Variants in WDR19 observed in about 807,000 individuals in gnomAD.
WDR19 encodes WD repeat domain 19.
In WDR19, 121 loss-of-function variants were observed where a neutral mutation model predicts 180.0. That is an observed-to-expected ratio of 0.67 (90% CI 0.58 to 0.78). The LOEUF is 0.78. Ranked by LOEUF, WDR19 falls within the 30% of genes least tolerant of loss-of-function variation. WDR19 has a pLI of 0.00. For synonymous variants in WDR19, 497 were observed against 540.7 expected, an observed-to-expected ratio of 0.92 and a Z score of 1.12; for missense variants, 1,450 against 1,640.7, an observed-to-expected ratio of 0.88 and a Z score of 2.01.
chr4:39,216,722 G>C (rs530049072), intron 12 of WDR19, among the ~76,000 whole-genome samples: 8 of 152,222 alleles, frequency 5.3e-5, no homozygotes, highest in Non-Finnish European at 8.8e-5. Flanking sequence ...GGAAAACCTT[G>C]TTTTGTTTTT....
At chr4:39,233,139 G>A (rs1002508978) in intron 19 of WDR19, among the ~76,000 whole-genome samples, 2 of 152,126 alleles carry the variant, frequency 1.3e-5, no homozygotes, top group Non-Finnish European at 2.9e-5. Flanking sequence ...GAAAACCGAG[G>A]CACATTTATC....
At chr4:39,248,231 A>C (rs1252831131) in intron 24 of WDR19, among the ~76,000 whole-genome samples, 1 of 152,204 alleles carries the variant, frequency 6.6e-6, no homozygotes, top group Non-Finnish European at 1.5e-5. Flanking sequence ...TTCAACCCAG[A>C]ATTTCATATC....
intron 36 of WDR19, among the ~76,000 whole-genome samples, chr4:39,279,811 C>T (rs961763136): frequency 2.7e-5 from 4 of 150,820 alleles, no homozygotes; most frequent in South Asian, 4.2e-4. Context: ...TAGTGATTCT[C>T]GTGCCTCAGG....
chr4:39,223,361 C>T (rs1577919922), intron 14 of WDR19, among the ~76,000 whole-genome samples: 1 of 152,280 alleles, frequency 6.6e-6, no homozygotes, highest in Admixed American at 6.5e-5. Context: ...GATGGAGTCT[C>T]GCTCTGTCGC....
intron 9 of WDR19, among the ~76,000 whole-genome samples, chr4:39,210,822 G>A (rs1728421213): frequency 1.3e-5 from 2 of 152,160 alleles, no homozygotes; most frequent in Non-Finnish European, 2.9e-5. Flanking sequence ...AGGAATAGCA[G>A]GTAATTACCT....
At chr4:39,279,833 G>C (rs756016114) in intron 36 of WDR19, among the ~76,000 whole-genome samples, 1 of 151,578 alleles carries the variant, frequency 6.6e-6, no homozygotes, top group Admixed American at 6.6e-5. Context: ...TCCCTGAGTA[G>C]CTAGGACTAC....
At chr4:39,196,478 C>G (rs1422098393) in intron 5 of WDR19, among the ~76,000 whole-genome samples, 4 of 152,166 alleles carry the variant, frequency 2.6e-5, no homozygotes, top group African/African-American at 9.7e-5. Flanking sequence ...TCTTTTCTTT[C>G]TCATACTCTC....
chr4:39,276,212 C>A lies in WDR19; in HGVS notation c.3717-808C>A, dbSNP rs369253886. ...ACTGGTAGCTGGGCTTGGGAGCTAC[C>A]CTCATGGCAGAGAGCTCTAAGCTGG... is the stretch of plus-strand genomic sequence containing the variant. On this transcript the variant is annotated intron_variant, in intron 33 of 36. Coordinates refer to ENST00000399820, the MANE Select transcript of WDR19 (RefSeq NM_025132.4). Among the ~76,000 whole-genome samples, 165 of 152,186 alleles carry A rather than the reference C, an allele frequency of 1.1e-3. 2 individuals are homozygous for A. The highest frequency in any genetic ancestry group is 3.7e-3 in the African/African-American group (154 of 41,510).
intron 6 of WDR19, among the ~76,000 whole-genome samples, chr4:39,203,068 A>G (rs1474483164): frequency 6.6e-6 from 1 of 151,652 alleles, no homozygotes; most frequent in Non-Finnish European, 1.5e-5. Context: ...GAGAATAGGA[A>G]GGGAGGTCTT....
intron 28 of WDR19, among the ~76,000 whole-genome samples, chr4:39,261,991 T>G (rs1483253161): frequency 6.6e-6 from 1 of 152,138 alleles, no homozygotes. Context: ...GCAAAACCTA[T>G]AGTGGCTCCC....
chr4:39,196,118 C>T (rs1726723225), intron 5 of WDR19, among the ~76,000 whole-genome samples: 1 of 152,134 alleles, frequency 6.6e-6, no homozygotes, highest in Non-Finnish European at 1.5e-5. Flanking sequence ...TTTCCCCTTC[C>T]TAATGCCTGT....
At chr4:39,233,627 T>C (rs1577948936) in intron 19 of WDR19, among the ~76,000 whole-genome samples, 1 of 152,218 alleles carries the variant, frequency 6.6e-6, no homozygotes, top group East Asian at 1.9e-4. Context: ...TTTACAACTT[T>C]CCTTTTACAA....
chr4:39,256,780 C>G (rs947658243), intron 27 of WDR19, among the ~76,000 whole-genome samples: 2 of 152,176 alleles, frequency 1.3e-5, no homozygotes, highest in Admixed American at 6.5e-5. Flanking sequence ...GAGTCCCACA[C>G]TCCTCTAACA....
chr4:39,262,128 A>G (rs993678571), intron 28 of WDR19, among the ~76,000 whole-genome samples: 1 of 152,190 alleles, frequency 6.6e-6, no homozygotes, highest in Admixed American at 6.5e-5. Flanking sequence ...AGAAGATGAT[A>G]TGACTAACCT....
intron 4 of WDR19, among the ~76,000 whole-genome samples, chr4:39,193,456 C>G (rs550794993): frequency 8.5e-5 from 13 of 152,180 alleles, no homozygotes; most frequent in African/African-American, 3.1e-4. Flanking sequence ...CCATGCCCAG[C>G]CTAAAATTAA....
intron 14 of WDR19, 163 bp downstream of exon 14, chr4:39,218,268 T>C: frequency 1.1e-6 from 1 of 903,540 alleles, no homozygotes; most frequent in African/African-American, 1.7e-5. Flanking sequence ...CTCTTTGCAG[T>C]GGGGATACAT....
At chr4:39,237,179 A>G (rs1249811010) in intron 20 of WDR19, among the ~76,000 whole-genome samples, 1 of 152,228 alleles carries the variant, frequency 6.6e-6, no homozygotes, top group Non-Finnish European at 1.5e-5. Flanking sequence ...ACATTTTTAC[A>G]TAATTCTACT....
At chr4:39,269,604 G>T (rs532578527) in intron 30 of WDR19, among the ~76,000 whole-genome samples, 59 of 152,322 alleles carry the variant, frequency 3.9e-4, no homozygotes, top group Non-Finnish European at 5.1e-4. Flanking sequence ...CCAGCACTTT[G>T]GGAGGCCGAG....
chr4:39,183,856 A>C (rs1006756321), intron 1 of WDR19, among the ~76,000 whole-genome samples: 1 of 152,234 alleles, frequency 6.6e-6, no homozygotes, highest in African/African-American at 2.4e-5. Flanking sequence ...GAGCATCTAT[A>C]GAGCTCCACT....
Sources: gnomAD v4.1 joint callset for allele counts (sites outside exome capture counted in the v4.1 genomes callset) on GRCh38, gnomAD v4.1.1 for gene constraint, MANE v1.5 for transcripts, NCBI Gene and HGNC (gene_info 2026-07-23, HGNC 2026-07-21) for gene names.